TUSC3: variants seen among roughly 807,000 people sequenced by gnomAD.
The protein encoded by TUSC3 is dolichyl-diphosphooligosaccharide--protein glycosyltransferase subunit TUSC3.
In TUSC3, 45 loss-of-function variants were observed where a neutral mutation model predicts 44.8. The ratio of observed to expected loss-of-function variants is 1.00; its 90% CI spans 0.79 to 1.29. TUSC3 has a LOEUF of 1.29. Among genes scored for constraint, TUSC3 ranks in the 50% most tolerant of loss-of-function variants. The probability of loss-of-function intolerance (pLI) is 0.00; values close to 1 mark genes in which losing one functional copy is unlikely to be tolerated. For synonymous variants in TUSC3, 212 were observed against 152.9 expected (o/e 1.39, Z -2.85); for missense variants, 519 against 437.9 (o/e 1.19, Z -1.65).
intron 2 of TUSC3, among the ~76,000 whole-genome samples, chr8:15,640,482 C>G (rs1040748310): frequency 6.6e-6 from 1 of 152,190 alleles, no homozygotes; most frequent in Non-Finnish European, 1.5e-5. Flanking sequence ...AACACACAAC[C>G]TTTTAATAAT....
intron 6 of TUSC3, among the ~76,000 whole-genome samples, chr8:15,677,250 T>G (rs1159415817): frequency 3.9e-5 from 6 of 152,156 alleles, no homozygotes; most frequent in African/African-American, 1.4e-4. Context: ...CTCTCCTGCA[T>G]TGGCCTCCCT....
Position 15,489,908 on chromosome 8 carries a change from T to C in TUSC3, n.189+6425T>C, listed in dbSNP as rs554041211. On this transcript the variant is annotated intron_variant and non_coding_transcript_variant, in intron 2 of 5. Transcript: ENST00000503191. The stretch of plus-strand genomic sequence containing the variant: ...TCTGAAACAAATCAGATACATAAGA[T>C]AAAAGATTAATTCTGATATGGCTAG... 3.3e-5 allele frequency among the ~76,000 whole-genome samples: 5 copies of C among 152,304 alleles called. No homozygotes were observed. The South Asian group carries it at 1.0e-3, about 32-fold the overall frequency.
rs1358169360 is a variant in TUSC3 at position 15,512,885 on chromosome 8, T to TATATATATATATAC, written n.189+29403_189+29404insTATATATATATACA. Among the ~76,000 whole-genome samples the TATATATATATATAC allele has an allele frequency of 1.5e-4, 22 of 142,836 alleles. 1 individual carries two copies. In the South Asian group the frequency reaches 1.6e-3, roughly 10 times the overall value. 93.7% of individuals were successfully genotyped at this position (142,836 alleles called of 152,430 possible). On this transcript the variant is annotated intron_variant and non_coding_transcript_variant, in intron 2 of 5. Transcript: ENST00000503191. Reference sequence around the variant, plus strand: ...ATATATGTGTGTGTATATATATATATACACACAATTCTCTCGGTGTATATA... The same window carrying TATATATATATATAC: ...ATATATGTGTGTGTATATATATATATATATATATATATACACACACAATTCTCTCGGTGTATATA...
chr8:15,719,117 A>C (rs1210685246), intron 6 of TUSC3, among the ~76,000 whole-genome samples: 4 of 152,038 alleles, frequency 2.6e-5, no homozygotes, highest in African/African-American at 9.7e-5. Flanking sequence ...GCTTCGTTAT[A>C]GTCTGTTCTT....
intron 1 of TUSC3, among the ~76,000 whole-genome samples, chr8:15,422,897 C>T (rs1799755319): frequency 6.6e-6 from 1 of 152,120 alleles, no homozygotes; most frequent in Admixed American, 6.5e-5. Context: ...CCCAACTCGG[C>T]CTCCCAAAGT....
intron 2 of TUSC3, among the ~76,000 whole-genome samples, chr8:15,532,933 C>T (rs912448438): frequency 6.6e-6 from 1 of 152,124 alleles, no homozygotes; most frequent in African/African-American, 2.4e-5. Context: ...GCCGGGATTA[C>T]AGGTGCCTGT....
chr8:15,730,866 T>C (rs1810694304), intron 7 of TUSC3, 137 bp downstream of exon 7: 1 of 737,670 alleles, frequency 1.4e-6, no homozygotes, highest in South Asian at 1.7e-5. Context: ...GACTAATTTT[T>C]ATTTTTTATG....
rs369199094 is a variant in TUSC3 at position 15,515,403 on chromosome 8, C to G, written n.189+31920C>G. Reference sequence around the variant, plus strand: ...TGAATGATGAACTTACAGAAGATTCCCTGATAATCTAGCTGTGCATTTTAC... The same window carrying G: ...TGAATGATGAACTTACAGAAGATTCGCTGATAATCTAGCTGTGCATTTTAC... On this transcript the variant is annotated intron_variant and non_coding_transcript_variant, in intron 2 of 5. Coordinates refer to the TUSC3 transcript ENST00000503191. 2.5e-4 allele frequency among the ~76,000 whole-genome samples: 38 copies of G among 152,126 alleles called. No homozygotes were observed. In the East Asian group the frequency reaches 5.2e-3, roughly 21 times the overall value.
At chr8:15,681,170 A>T in intron 6 of TUSC3, among the ~76,000 whole-genome samples, 1 of 147,992 alleles carries the variant, frequency 6.8e-6, no homozygotes, top group East Asian at 2.0e-4. Context: ...AATTGATGTC[A>T]GCTCTTCTTT....
the TUSC3 span, among the ~76,000 whole-genome samples, chr8:15,786,683 G>A: frequency 2.6e-5 from 4 of 152,140 alleles, no homozygotes; most frequent in African/African-American, 7.2e-5. Context: ...GGTGTCTCAC[G>A]CCTGTAATCC....
chr8:15,752,993 C>T (rs1232221490), intron 9 of TUSC3, among the ~76,000 whole-genome samples: 1 of 151,986 alleles, frequency 6.6e-6, no homozygotes, highest in East Asian at 1.9e-4. Context: ...AGGAAATCTA[C>T]ATAAAAACTA....
intron 1 of TUSC3, among the ~76,000 whole-genome samples, chr8:15,425,295 C>G (rs994622790): frequency 6.6e-6 from 1 of 152,190 alleles, no homozygotes; most frequent in Admixed American, 6.5e-5. Context: ...GGTTGTGTTG[C>G]CAACCTCCAC....
At chr8:15,427,173 C>G (rs1799814344) in intron 1 of TUSC3, among the ~76,000 whole-genome samples, 1 of 147,212 alleles carries the variant, frequency 6.8e-6, no homozygotes, top group South Asian at 2.2e-4. Flanking sequence ...TTATTTCATT[C>G]TACAGATTAT....
Position 15,709,479 on chromosome 8 carries a change from T to A in TUSC3, c.799-21187T>A, listed in dbSNP as rs377383099. 4.9e-4 allele frequency among the ~76,000 whole-genome samples: 74 copies of A among 152,012 alleles called. 1 individual carries two copies. The highest frequency in any genetic ancestry group is 1.8e-3 in the African/African-American group (73 of 41,538). ...ATATTCTTATATGTATTTTATGCCT[T>A]CTTCATTTTTGCTCCTCTGACTTAC... On this transcript the variant is annotated intron_variant, in intron 6 of 10. Transcript: ENST00000503731.
At position 15,440,665 on chromosome 8, in the gene TUSC3, C is replaced by T. The variant is rs542026594; in HGVS notation, n.91+23360C>T. On this transcript the variant is annotated intron_variant and non_coding_transcript_variant, in intron 1 of 5. Transcript: ENST00000503191. ...CATTTTTCCTCTATTTTAAACAATG[C>T]TACAAAAAATATATTTCCATGTGCG... Among the ~76,000 whole-genome samples, 5 of 152,226 alleles carry T rather than the reference C, an allele frequency of 3.3e-5. No individual in the cohort carries two copies. In the East Asian group the frequency reaches 7.7e-4, roughly 24 times the overall value.
chr8:15,495,144 C>T (rs976735983), intron 2 of TUSC3, among the ~76,000 whole-genome samples: 1 of 150,082 alleles, frequency 6.7e-6, no homozygotes, highest in African/African-American at 2.5e-5. Context: ...TTTCTTCATC[C>T]ACTCAACCGC....
the TUSC3 span, among the ~76,000 whole-genome samples, chr8:15,799,577 G>A: frequency 6.6e-6 from 1 of 152,202 alleles, no homozygotes; most frequent in Non-Finnish European, 1.5e-5. Flanking sequence ...TCAGTGGGCA[G>A]TGGTGAAGTA....
In TUSC3 at chr8:15,704,670, C is replaced by A. The variant is rs58773574; in HGVS notation, c.799-25996C>A. ...TCCTTTTCTTTTTCTCTTTCCTAAC[C>A]CACTGCCCCTGTGTCTGTCTGTACA... is the stretch of plus-strand genomic sequence containing the variant. On this transcript the variant is annotated intron_variant, in intron 6 of 10. Coordinates refer to ENST00000503731, the MANE Select transcript of TUSC3 (RefSeq NM_006765.4). Among the ~76,000 whole-genome samples the A allele has an allele frequency of 6.6e-3, 1,006 of 152,006 alleles. 11 individuals carry two copies. The highest frequency in any genetic ancestry group is 0.023 in the African/African-American group (953 of 41,448).
At chr8:15,473,112 C>CA (rs923694115) in intron 1 of TUSC3, among the ~76,000 whole-genome samples, 9 of 152,184 alleles carry the variant, frequency 5.9e-5, no homozygotes, top group African/African-American at 1.7e-4. Flanking sequence ...TTAGTTTCCC[C>CA]AAATAAGTGC....
Sources: gnomAD v4.1 joint callset for allele counts (sites outside exome capture counted in the v4.1 genomes callset) on GRCh38, gnomAD v4.1.1 for gene constraint, MANE v1.5 for transcripts, NCBI Gene and HGNC (gene_info 2026-07-23, HGNC 2026-07-21) for gene names.